Variants in PCDHGA9 observed in about 807,000 individuals in gnomAD.
PCDHGA9 encodes protocadherin gamma subfamily A, 9.
A neutral mutation model predicts 62.5 loss-of-function variants in PCDHGA9; 37 were observed. That is an observed-to-expected ratio of 0.59 (90% CI 0.46 to 0.78). The LOEUF is 0.78. Among genes scored for constraint, PCDHGA9 ranks in the 30% least tolerant of loss-of-function variants. The probability of loss-of-function intolerance (pLI) is 0.00; values close to 1 mark genes in which losing one functional copy is unlikely to be tolerated. For synonymous variants in PCDHGA9, 459 were observed against 484.6 expected (o/e 0.95, Z 0.69); for missense variants, 1,138 against 1,166.2 (o/e 0.98, Z 0.35).
At chr5:141,410,366 G>A (rs3749767) in intron 1 of PCDHGA9, 379,797 of 1,613,758 alleles carry the variant, frequency 0.24, 48,670 homozygotes, top group African/African-American at 0.5. Context: ...TCTCAGCCCT[G>A]CTACTTGGGA....
At chr5:141,453,351 C>T (rs1210851703) in intron 1 of PCDHGA9, among the ~76,000 whole-genome samples, 3 of 151,738 alleles carry the variant, frequency 2.0e-5, no homozygotes, top group African/African-American at 7.3e-5. Context: ...CCAGGCTGAC[C>T]CTGAACTCCT....
intron 1 of PCDHGA9, 137 bp from the exon 2 acceptor site, chr5:141,494,670 C>T: frequency 6.5e-7 from 1 of 1,529,402 alleles, no homozygotes; most frequent in Non-Finnish European, 8.8e-7. Flanking sequence ...GGAGATGAGT[C>T]CACCCCTGCC....
chr5:141,497,191 A>G (rs2099774633), intron 2 of PCDHGA9, among the ~76,000 whole-genome samples: 1 of 126,864 alleles, frequency 7.9e-6, no homozygotes, highest in Admixed American at 8.3e-5. Context: ...TGAGAGGCAG[A>G]GAACAATGTG....
At chr5:141,413,870 T>A (rs2095687151) in intron 1 of PCDHGA9, 1 of 1,613,268 alleles carries the variant, frequency 6.2e-7, no homozygotes, top group Admixed American at 1.7e-5. Context: ...ACTGTCCTTG[T>A]CAGTGTGACT....
intron 2 of PCDHGA9, among the ~76,000 whole-genome samples, chr5:141,496,557 C>T (rs190275684): frequency 2.0e-5 from 3 of 152,258 alleles, no homozygotes; most frequent in Admixed American, 1.3e-4. Flanking sequence ...TGGGCATGCA[C>T]AGTCCTGTCA....
At chr5:141,433,295 G>A (rs754784548) in intron 1 of PCDHGA9, 22 of 1,044,006 alleles carry the variant, frequency 2.1e-5, no homozygotes, top group Non-Finnish European at 2.9e-5. Flanking sequence ...CTAGGCTCAA[G>A]CAATTATCCC....
At chr5:141,413,090 C>A in intron 1 of PCDHGA9, 2 of 1,391,312 alleles carry the variant, frequency 1.4e-6, no homozygotes, top group Non-Finnish European at 1.9e-6. Flanking sequence ...ACAGAGACAC[C>A]CTGAAGCCAC....
intron 1 of PCDHGA9, chr5:141,423,343 C>T: frequency 6.2e-7 from 1 of 1,614,208 alleles, no homozygotes; most frequent in South Asian, 1.1e-5. Flanking sequence ...CTGCATCTTC[C>T]TGGTCTTTGT....
intron 1 of PCDHGA9, chr5:141,409,471 A>G (rs2095271616): frequency 1.2e-6 from 2 of 1,613,860 alleles, no homozygotes; most frequent in Non-Finnish European, 1.7e-6. Flanking sequence ...TCACCATCGT[A>G]GCCACTGACA....
intron 1 of PCDHGA9, among the ~76,000 whole-genome samples, chr5:141,455,913 T>C (rs2098837234): frequency 7.2e-6 from 1 of 138,032 alleles, no homozygotes; most frequent in African/African-American, 2.7e-5. Context: ...ATTTATTTAT[T>C]TTGAGACGGA....
intron 2 of PCDHGA9, among the ~76,000 whole-genome samples, chr5:141,498,971 G>GGAA (rs2099787559): frequency 9.0e-6 from 1 of 110,972 alleles, no homozygotes; most frequent in African/African-American, 3.6e-5. Flanking sequence ...GAGGGAGGGA[G>GGAA]GGAAGGAAGG....
At chr5:141,409,013 G>T in intron 1 of PCDHGA9, 1 of 1,613,998 alleles carries the variant, frequency 6.2e-7, no homozygotes. Flanking sequence ...TGACCAGGAT[G>T]AGGGGGTCAA....
At chr5:141,450,770 AG>A (rs1354382498) in intron 1 of PCDHGA9, among the ~76,000 whole-genome samples, 1 of 151,448 alleles carries the variant, frequency 6.6e-6, no homozygotes, top group Non-Finnish European at 1.5e-5. Context: ...TACAGGCATG[AG>A]CCACCGTGCC....
intron 1 of PCDHGA9, chr5:141,414,696 A>T: frequency 6.2e-7 from 1 of 1,613,982 alleles, no homozygotes; most frequent in Non-Finnish European, 8.5e-7. Flanking sequence ...CTCTGTCCTC[A>T]TACATATCCA....
intron 1 of PCDHGA9, among the ~76,000 whole-genome samples, chr5:141,457,124 ACT>A (rs1304231701): frequency 6.6e-6 from 1 of 152,158 alleles, no homozygotes; most frequent in Non-Finnish European, 1.5e-5. Context: ...AGCAATGGAA[ACT>A]CTGTCCAATA....
intron 1 of PCDHGA9, chr5:141,417,757 G>A: frequency 7.0e-7 from 1 of 1,435,144 alleles, no homozygotes; most frequent in Non-Finnish European, 9.2e-7. Flanking sequence ...CCAGCTCCGA[G>A]ACCCGGGACT....
At chr5:141,464,931 G>T (rs2099093694) in intron 1 of PCDHGA9, among the ~76,000 whole-genome samples, 1 of 151,942 alleles carries the variant, frequency 6.6e-6, no homozygotes, top group Non-Finnish European at 1.5e-5. Context: ...GTAGAGATGT[G>T]AGGTCTCACT....
intron 1 of PCDHGA9, chr5:141,411,549 A>G (rs1169343676): frequency 6.6e-6 from 1 of 152,210 alleles, no homozygotes; most frequent in African/African-American, 2.4e-5. Flanking sequence ...TTGCCACTGC[A>G]CTCCAGCCTG....
chr5:141,498,104 C>T (rs530844708), intron 2 of PCDHGA9, among the ~76,000 whole-genome samples: 2 of 152,106 alleles, frequency 1.3e-5, no homozygotes, highest in African/African-American at 4.8e-5. Context: ...GTGGTGTGGG[C>T]GTATAATAGG....
Sources: gnomAD v4.1 joint callset for allele counts (sites outside exome capture counted in the v4.1 genomes callset) on GRCh38, gnomAD v4.1.1 for gene constraint, MANE v1.5 for transcripts, NCBI Gene and HGNC (gene_info 2026-07-23, HGNC 2026-07-21) for gene names.